EDIL3: variants seen among roughly 807,000 people sequenced by gnomAD.
EDIL3 encodes EGF like and discoidin domains 3.
Under a neutral mutation model 67.4 loss-of-function variants are expected in EDIL3, and 37 were observed. That is an observed-to-expected ratio of 0.55 (90% CI 0.42 to 0.72). The LOEUF (loss-of-function observed/expected upper bound fraction) is 0.72. Ranked by LOEUF, EDIL3 falls within the 30% of genes least tolerant of loss-of-function variation. The pLI is 0.00. For missense variants in EDIL3, 527 were observed against 586.3 expected (o/e 0.90, Z 1.04); for synonymous variants, 195 against 196.3 (o/e 0.99, Z 0.05).
chr5:84,196,297 C>T (rs1743701680), intron 3 of EDIL3, among the ~76,000 whole-genome samples: 1 of 151,974 alleles, frequency 6.6e-6, no homozygotes, highest in Admixed American at 6.6e-5. Context: ...CTGGCTGTTT[C>T]CTCTCCCTGA....
intron 1 of EDIL3, among the ~76,000 whole-genome samples, chr5:84,360,474 T>C (rs1747573921): frequency 6.6e-6 from 1 of 152,158 alleles, no homozygotes; most frequent in Non-Finnish European, 1.5e-5. Context: ...GGAAATACAT[T>C]CAATTCCCCC....
At chr5:84,177,310 A>T (rs111668713) in intron 4 of EDIL3, among the ~76,000 whole-genome samples, 4 of 152,168 alleles carry the variant, frequency 2.6e-5, no homozygotes, top group African/African-American at 9.7e-5. Flanking sequence ...CCTTAAATAC[A>T]TTGATAAGTG....
Position 84,227,934 on chromosome 5 carries a change from G to A in EDIL3, c.226+1921C>T, listed in dbSNP as rs568925642. On this transcript the variant is annotated intron_variant, in intron 3 of 10. Coordinates refer to ENST00000296591, the MANE Select transcript of EDIL3 (RefSeq NM_005711.5). Reference sequence around the variant, plus strand: ...GCAGACTACTAGAGAGTGGAGGAGAGGAAGAGGGTGTAGGTTGAAAATCTA... The same window carrying A: ...GCAGACTACTAGAGAGTGGAGGAGAAGAAGAGGGTGTAGGTTGAAAATCTA... 3.3e-5 allele frequency among the ~76,000 whole-genome samples: 5 copies of A among 152,144 alleles called. No individual in the cohort carries two copies. The East Asian group carries it at 7.7e-4, about 24-fold the overall frequency.
chr5:84,191,611 T>C (rs1379450476), intron 3 of EDIL3, among the ~76,000 whole-genome samples: 1 of 152,052 alleles, frequency 6.6e-6, no homozygotes, highest in Non-Finnish European at 1.5e-5. Flanking sequence ...TAAGTGAGCA[T>C]TAAGTAATGA....
At chr5:84,207,033 A>G (rs958650584) in intron 3 of EDIL3, among the ~76,000 whole-genome samples, 42 of 152,242 alleles carry the variant, frequency 2.8e-4, no homozygotes, top group Non-Finnish European at 3.7e-4. Flanking sequence ...ATAGTGTTGG[A>G]AGTTCTGGCC....
At position 84,119,908 on chromosome 5, in the gene EDIL3, A is replaced by T. The variant is rs370951610; in HGVS notation, c.470-13078T>A. ...ATATCCTTTTTTTTGTTTCATCATG[A>T]CTTATATTTGCAATAAATTTGAGAA... On this transcript the variant is annotated intron_variant, in intron 5 of 10. Transcript: ENST00000296591. 2.2e-4 allele frequency among the ~76,000 whole-genome samples: 34 copies of T among 151,964 alleles called. No individual in the cohort carries two copies. In the South Asian group the frequency reaches 7.0e-3, roughly 32 times the overall value.
At chr5:84,254,375 CA>C (rs201997159) in intron 1 of EDIL3, among the ~76,000 whole-genome samples, 163 bp from the exon 2 acceptor site, 46 of 150,012 alleles carry the variant, frequency 3.1e-4, no homozygotes, top group African/African-American at 9.3e-4. Flanking sequence ...ACCATGTACT[CA>C]AAAAAAAATA....
chr5:84,286,527 A>G (rs903599854), intron 1 of EDIL3, among the ~76,000 whole-genome samples: 3 of 152,146 alleles, frequency 2.0e-5, no homozygotes, highest in Non-Finnish European at 2.9e-5. Context: ...TCAAGACAAT[A>G]TATTTAGCAT....
intron 9 of EDIL3, among the ~76,000 whole-genome samples, chr5:83,977,551 T>C (rs34875475): frequency 0.35 from 52,850 of 151,578 alleles, 10,084 homozygotes; most frequent in East Asian, 0.64. Context: ...AAAGTCTAAT[T>C]CAATATCTTT....
chr5:84,124,253 A>G (rs1382005527), intron 5 of EDIL3, among the ~76,000 whole-genome samples: 1 of 151,992 alleles, frequency 6.6e-6, no homozygotes, highest in Non-Finnish European at 1.5e-5. Context: ...ACAAGGGAAG[A>G]CACGTTGTAG....
At position 84,066,670 on chromosome 5, in the gene EDIL3, G is replaced by A. The variant is rs553410660; in HGVS notation, c.652-64C>T. ...TTCAGGATAACAATACTGAAAATACGAATTTTAGAAATGAAACATTGTTAA... is the reference window on the plus strand; with the variant it reads ...TTCAGGATAACAATACTGAAAATACAAATTTTAGAAATGAAACATTGTTAA... On this transcript the variant is annotated intron_variant, in intron 6 of 10. Coordinates refer to ENST00000296591, the MANE Select transcript of EDIL3 (RefSeq NM_005711.5). The A allele has an allele frequency of 3.9e-5, 60 of 1,537,796 alleles. 1 individual carries two copies. In the East Asian group the frequency reaches 9.9e-4, roughly 25 times the overall value.
chr5:84,106,360 T>G (rs893666120), intron 6 of EDIL3, among the ~76,000 whole-genome samples: 14 of 152,120 alleles, frequency 9.2e-5, no homozygotes, highest in African/African-American at 3.4e-4. Flanking sequence ...ACAGTGGTAA[T>G]GAACACACAG....
chr5:84,326,468 T>C (rs1429654499), intron 1 of EDIL3, among the ~76,000 whole-genome samples: 4 of 152,104 alleles, frequency 2.6e-5, no homozygotes, highest in African/African-American at 9.6e-5. Flanking sequence ...GTGGTCATGG[T>C]TGTACAAACA....
At chr5:83,998,007 T>A (rs1745263541) in intron 9 of EDIL3, among the ~76,000 whole-genome samples, 1 of 152,100 alleles carries the variant, frequency 6.6e-6, no homozygotes, top group South Asian at 2.1e-4. Flanking sequence ...GACCCAACAC[T>A]GCAAGCTAAA....
chr5:84,384,506 A>G lies in EDIL3; in HGVS notation c.-132T>C. On this transcript the variant is annotated 5_prime_UTR_variant, in exon 1 of 11. Coordinates refer to ENST00000296591, the MANE Select transcript of EDIL3 (RefSeq NM_005711.5). The stretch of plus-strand genomic sequence containing the variant: ...ATTCAAGAAGACGTTCTCTTTCCTC[A>G]GCGCTTTGTTAAACAAATTCTTGGA... 2 of 828,430 alleles carry G rather than the reference A, an allele frequency of 2.4e-6. No homozygotes were observed. The highest frequency in any genetic ancestry group is 3.8e-6 in the Non-Finnish European group (2 of 529,316). The allele number at this position is 828,430 out of a possible 1,614,324, so 51.3% of individuals were successfully genotyped here. A position where few individuals can be genotyped will look rare whatever the true frequency, so the allele number is the denominator to read the frequency against.
rs916768557 is a variant in EDIL3, at chr5:84,157,390, A to G, written c.356-20036T>C. Among the ~76,000 whole-genome samples the G allele has an allele frequency of 5.9e-5, 9 of 152,132 alleles. No individual in the cohort carries two copies. The East Asian group carries it at 1.7e-3, about 29-fold the overall frequency. On this transcript the variant is annotated intron_variant, in intron 4 of 10. Transcript: ENST00000296591. ...TTTGTACATATTCCAGATGTGAAGT[A>G]AGCAATCCAGTAAATAATATTTAAG...
intron 9 of EDIL3, among the ~76,000 whole-genome samples, chr5:84,051,425 G>T (rs1458957098): frequency 6.6e-6 from 1 of 152,190 alleles, no homozygotes; most frequent in Non-Finnish European, 1.5e-5. Context: ...AAGGAACGCA[G>T]CTCCTCACCA....
chr5:84,367,277 CT>C (rs957187939), intron 1 of EDIL3, among the ~76,000 whole-genome samples: 99 of 146,814 alleles, frequency 6.7e-4, no homozygotes, highest in Admixed American at 6.1e-4. Context: ...AATTTAATGA[CT>C]TTTTTTTTTT....
Position 84,132,485 on chromosome 5 carries a change from TA to T in EDIL3, c.469+4755del, listed in dbSNP as rs1278115213. On this transcript the variant is annotated intron_variant, in intron 5 of 10. Coordinates refer to ENST00000296591, the MANE Select transcript of EDIL3 (RefSeq NM_005711.5). ...ATTTTATATATAATATATATTTTAA[TA>T]TATATTATATATTTTATATATAATA... Among the ~76,000 whole-genome samples the T allele has an allele frequency of 2.5e-3, 52 of 20,934 alleles. 2 individuals carry two copies. The East Asian group carries it at 0.06, about 24-fold the overall frequency. The allele number at this position is 20,934 out of a possible 152,430, so 13.7% of individuals were successfully genotyped here. A position where few individuals can be genotyped will look rare whatever the true frequency, so the allele number is the denominator to read the frequency against.
Sources: gnomAD v4.1 joint callset for allele counts (sites outside exome capture counted in the v4.1 genomes callset) on GRCh38, gnomAD v4.1.1 for gene constraint, MANE v1.5 for transcripts, NCBI Gene and HGNC (gene_info 2026-07-23, HGNC 2026-07-21) for gene names.